The following CNTLN variants were observed in gnomAD, a reference collection of about 807,000 sequenced individuals.
CNTLN encodes centlein.
In CNTLN, 212 loss-of-function variants were observed where a neutral mutation model predicts 180.0. The observed-to-expected ratio is 1.18, with a 90% CI of 1.05 to 1.32. The LOEUF (loss-of-function observed/expected upper bound fraction) is 1.32. Ranked by LOEUF, CNTLN falls within the 40% of genes most tolerant of loss-of-function variation. CNTLN has a pLI of 0.00. For synonymous variants in CNTLN, 722 were observed against 563.1 expected (o/e 1.28, Z -3.99); for missense variants, 2,095 against 1,610.9 (o/e 1.30, Z -5.14).
chr9:17,234,877 A>T (rs1825040532), intron 3 of CNTLN, among the ~76,000 whole-genome samples: 1 of 152,182 alleles, frequency 6.6e-6, no homozygotes, highest in African/African-American at 2.4e-5. Context: ...TATGGATTTC[A>T]TTTTTAGTAA....
At chr9:17,212,501 T>C (rs1823396643) in intron 2 of CNTLN, among the ~76,000 whole-genome samples, 1 of 152,210 alleles carries the variant, frequency 6.6e-6, no homozygotes, top group African/African-American at 2.4e-5. Flanking sequence ...ATCAGGGATA[T>C]TGGTCTAAAA....
intron 25 of CNTLN, among the ~76,000 whole-genome samples, chr9:17,494,601 C>T (rs1404412939): frequency 6.6e-6 from 1 of 152,106 alleles, no homozygotes; most frequent in Non-Finnish European, 1.5e-5. Context: ...TTAGCTCCCA[C>T]TTATAAGTGA....
At chr9:17,219,732 C>T (rs1824006326) in intron 2 of CNTLN, among the ~76,000 whole-genome samples, 1 of 152,052 alleles carries the variant, frequency 6.6e-6, no homozygotes, top group African/African-American at 2.4e-5. Context: ...TTAGTCAGTT[C>T]TGACTGCTAA....
chr9:17,282,122 C>G (rs1251959218), intron 6 of CNTLN, among the ~76,000 whole-genome samples: 3 of 152,070 alleles, frequency 2.0e-5, no homozygotes, highest in Admixed American at 1.3e-4. Flanking sequence ...GCCACCATGC[C>G]CAGCTAGTTT....
chr9:17,235,074 A>G (rs1035933831), intron 3 of CNTLN, among the ~76,000 whole-genome samples: 5 of 152,178 alleles, frequency 3.3e-5, no homozygotes, highest in African/African-American at 1.2e-4. Flanking sequence ...AAGGAAAGCT[A>G]AAAATTGAGT....
Position 17,330,805 on chromosome 9 carries a change from T to G in CNTLN, c.1515T>G (p.His505Gln), listed in dbSNP as rs1329238649. ...TCATGACAAGTGCTGAAGGAAAACA[T>G]AAGGTAGGGACATTTTGTCATTTTG... ...KSIMTSAEGK[H>Q]KEPPVKRSRS... The change falls in exon 9 of 26, where the codon CAT becomes CAG. Residue 505 changes from histidine (H) to glutamine (Q), a missense_variant. By Grantham distance (24) the His-to-Gln change is conservative. Coordinates refer to ENST00000380647, the MANE Select transcript of CNTLN (RefSeq NM_017738.4). 1 of 1,604,160 alleles carries G rather than the reference T, an allele frequency of 6.2e-7. No individual in the cohort carries two copies.
intron 5 of CNTLN, among the ~76,000 whole-genome samples, chr9:17,263,323 G>C (rs10962966): frequency 0.24 from 35,787 of 149,394 alleles, 5,582 homozygotes; most frequent in African/African-American, 0.39. Flanking sequence ...ATAGTTTGCT[G>C]AGATTGATGG....
At chr9:17,466,441 G>A (rs1190130061) in intron 22 of CNTLN, among the ~76,000 whole-genome samples, 1 of 151,338 alleles carries the variant, frequency 6.6e-6, no homozygotes, top group Non-Finnish European at 1.5e-5. Flanking sequence ...CATGTTATGT[G>A]GAGGATCTTT....
chr9:17,206,343 A>G (rs908368131), intron 2 of CNTLN, among the ~76,000 whole-genome samples: 3 of 152,230 alleles, frequency 2.0e-5, no homozygotes, highest in South Asian at 2.1e-4. Flanking sequence ...TAATGATAGT[A>G]TCACTGGACT....
intron 5 of CNTLN, among the ~76,000 whole-genome samples, chr9:17,246,777 C>G (rs979873689): frequency 6.6e-6 from 1 of 152,118 alleles, no homozygotes; most frequent in African/African-American, 2.4e-5. Flanking sequence ...TCCCACTCTT[C>G]TCTCCCTTTT....
intron 3 of CNTLN, among the ~76,000 whole-genome samples, chr9:17,234,376 G>A (rs934549390): frequency 5.3e-5 from 8 of 152,036 alleles, no homozygotes; most frequent in African/African-American, 1.7e-4. Context: ...CCAGGAGTTC[G>A]AGGCTGCCGT....
At chr9:17,198,336 T>G (rs1330406066) in intron 2 of CNTLN, among the ~76,000 whole-genome samples, 5 of 151,856 alleles carry the variant, frequency 3.3e-5, no homozygotes, top group Admixed American at 6.6e-5. Context: ...GTATGGACAT[T>G]TTAATAATAT....
the CNTLN span, among the ~76,000 whole-genome samples, chr9:17,528,632 A>G: frequency 1.2e-4 from 18 of 152,270 alleles, no homozygotes; most frequent in Non-Finnish European, 1.0e-4. Context: ...GTTAATAAAA[A>G]TACATCAGCA....
intron 18 of CNTLN, among the ~76,000 whole-genome samples, chr9:17,422,409 C>T (rs762069940): frequency 6.6e-5 from 10 of 152,028 alleles, no homozygotes; most frequent in African/African-American, 1.9e-4. Context: ...CCCTCTGATA[C>T]GTGAATTATT....
chr9:17,454,366 A>C (rs1031582606), intron 18 of CNTLN, among the ~76,000 whole-genome samples: 16 of 152,198 alleles, frequency 1.1e-4, no homozygotes, highest in African/African-American at 3.4e-4. Flanking sequence ...ATTGAAATAG[A>C]TGTTTAGGAG....
intron 6 of CNTLN, among the ~76,000 whole-genome samples, chr9:17,290,718 G>T (rs1201535285): frequency 6.6e-6 from 1 of 151,522 alleles, no homozygotes; most frequent in African/African-American, 2.4e-5. Flanking sequence ...ATGGTTCGCC[G>T]CTTTTTAAGC....
intron 25 of CNTLN, among the ~76,000 whole-genome samples, chr9:17,500,651 G>A (rs947159662): frequency 1.3e-5 from 2 of 152,198 alleles, no homozygotes; most frequent in South Asian, 4.1e-4. Context: ...AGAGGTAGAA[G>A]TTTGGTTTGT....
At chr9:17,420,707 T>C (rs1828652809) in intron 18 of CNTLN, among the ~76,000 whole-genome samples, 1 of 152,178 alleles carries the variant, frequency 6.6e-6, no homozygotes, top group African/African-American at 2.4e-5. Flanking sequence ...TAAACTTCTC[T>C]CTTAGTATTG....
At chr9:17,214,280 T>G (rs1823563691) in intron 2 of CNTLN, among the ~76,000 whole-genome samples, 1 of 152,192 alleles carries the variant, frequency 6.6e-6, no homozygotes, top group Non-Finnish European at 1.5e-5. Context: ...CATTTGCTTG[T>G]CTGTAAAGTA....
Sources: gnomAD v4.1 joint callset for allele counts (sites outside exome capture counted in the v4.1 genomes callset) on GRCh38, gnomAD v4.1.1 for gene constraint, MANE v1.5 for transcripts, NCBI Gene and HGNC (gene_info 2026-07-23, HGNC 2026-07-21) for gene names.